Variants in RALYL observed in about 807,000 individuals in gnomAD.
RALYL encodes the protein RNA-binding Raly-like protein.
In RALYL, 29 loss-of-function variants were observed where a neutral mutation model predicts 35.1. The ratio of observed to expected loss-of-function variants is 0.83; its 90% CI spans 0.61 to 1.13. RALYL has a LOEUF of 1.13. Ranked by LOEUF, RALYL falls within the 50% of genes most tolerant of loss-of-function variation. The pLI, the probability that RALYL is intolerant of heterozygous loss-of-function variation, is 0.00. For missense variants in RALYL, 359 were observed against 360.4 expected (o/e 1.00, Z 0.03); for synonymous variants, 120 against 127.6 (o/e 0.94, Z 0.40).
At chr8:84,249,563 C>T (rs1057489783) in intron 1 of RALYL, among the ~76,000 whole-genome samples, 1 of 152,032 alleles carries the variant, frequency 6.6e-6, no homozygotes, top group African/African-American at 2.4e-5. Context: ...AAAGCCAAAA[C>T]ACAATTACTT....
At chr8:84,334,614 G>A (rs1323909699) in intron 1 of RALYL, among the ~76,000 whole-genome samples, 1 of 151,804 alleles carries the variant, frequency 6.6e-6, no homozygotes, top group African/African-American at 2.4e-5. Flanking sequence ...AAATCAAGAA[G>A]TTTAACCTAC....
chr8:84,568,318 C>G (rs868228533), intron 2 of RALYL, among the ~76,000 whole-genome samples: 1 of 150,558 alleles, frequency 6.6e-6, no homozygotes, highest in African/African-American at 2.4e-5. Context: ...TTTGTCCTTG[C>G]GATACTTTGC....
At chr8:84,503,743 G>A (rs561454571) in intron 1 of RALYL, among the ~76,000 whole-genome samples, 10 of 151,898 alleles carry the variant, frequency 6.6e-5, no homozygotes, top group Non-Finnish European at 1.5e-4. Context: ...CACCTACTCT[G>A]AAGGCTGAGG....
chr8:84,502,259 T>C (rs111734600), intron 1 of RALYL, among the ~76,000 whole-genome samples: 6 of 152,148 alleles, frequency 3.9e-5, no homozygotes, highest in African/African-American at 1.4e-4. Flanking sequence ...TAATATCTTG[T>C]GGGATACATT....
At chr8:84,800,838 T>C (rs1823074271) in intron 3 of RALYL, among the ~76,000 whole-genome samples, 1 of 152,156 alleles carries the variant, frequency 6.6e-6, no homozygotes, top group African/African-American at 2.4e-5. Flanking sequence ...ACTACTAAAA[T>C]GATCTATTCA....
chr8:84,919,883 T>C (rs928675010), intron 8 of RALYL, among the ~76,000 whole-genome samples: 1 of 152,098 alleles, frequency 6.6e-6, no homozygotes, highest in African/African-American at 2.4e-5. Context: ...CACATGAGTG[T>C]GAAAATTCAA....
intron 1 of RALYL, 49 bp from the exon 2 acceptor site, chr8:84,529,250 T>C (rs2059113498): frequency 1.3e-6 from 2 of 1,536,710 alleles, no homozygotes; most frequent in African/African-American, 2.8e-5. Flanking sequence ...TTCGATCTAA[T>C]GATTTACCTT....
chr8:84,345,089 CT>C (rs915721914), intron 1 of RALYL, among the ~76,000 whole-genome samples: 1 of 147,368 alleles, frequency 6.8e-6, no homozygotes, highest in African/African-American at 2.5e-5. Context: ...TTCAGTTTTT[CT>C]TTCTTTCTCT....
At chr8:84,570,483 G>A (rs1181351589) in intron 2 of RALYL, among the ~76,000 whole-genome samples, 1 of 151,758 alleles carries the variant, frequency 6.6e-6, no homozygotes, top group African/African-American at 2.4e-5. Context: ...GTCTTTCAGA[G>A]GAATCTTAGG....
intron 1 of RALYL, among the ~76,000 whole-genome samples, chr8:84,268,368 G>A (rs1306608033): frequency 1.3e-5 from 2 of 152,138 alleles, no homozygotes; most frequent in Non-Finnish European, 2.9e-5. Flanking sequence ...ACCTCCATGA[G>A]AGACTTCACT....
intron 1 of RALYL, among the ~76,000 whole-genome samples, chr8:84,357,226 C>A (rs1348572393): frequency 6.6e-6 from 1 of 152,006 alleles, no homozygotes; most frequent in African/African-American, 2.4e-5. Context: ...TATCCCCAAT[C>A]ATTGTGACAA....
chr8:84,757,397 C>T lies in RALYL; in HGVS notation c.257-17182C>T, dbSNP rs566634774. ...TACAGTTTTTCCTGTTGCAACATTT[C>T]GGTACAGACATTCATTCAAATTCTT... On this transcript the variant is annotated intron_variant, in intron 2 of 8. Coordinates refer to ENST00000521268, the MANE Select transcript of RALYL (RefSeq NM_173848.7). Among the ~76,000 whole-genome samples, 8 of 152,220 alleles carry T rather than the reference C, an allele frequency of 5.3e-5. 1 individual carries two copies. In the South Asian group the frequency reaches 8.3e-4, roughly 16 times the overall value.
intron 1 of RALYL, among the ~76,000 whole-genome samples, chr8:84,408,097 T>C (rs79045363): frequency 0.041 from 6,246 of 152,224 alleles, 160 homozygotes; most frequent in Middle Eastern, 0.054. Context: ...TTTAAACTTA[T>C]TTATTTTAAT....
intron 4 of RALYL, among the ~76,000 whole-genome samples, chr8:84,849,079 A>C (rs528836809): frequency 6.6e-6 from 1 of 152,336 alleles, no homozygotes; most frequent in South Asian, 2.1e-4. Context: ...TGTTTTGATG[A>C]CTGTAATTGA....
In RALYL at chr8:84,336,700, GC is replaced by G. The variant is rs1847866428; in HGVS notation, c.-24+152278del. ...AAGATGAGAAGTTCCAAAGAAACAA[GC>G]CTTATTTCCTTTTCGTGGTATTAAA... On this transcript the variant is annotated intron_variant, in intron 1 of 8. Transcript: ENST00000521268. 2.6e-5 allele frequency among the ~76,000 whole-genome samples: 4 copies of G among 152,030 alleles called. No homozygotes were observed. The South Asian group carries it at 6.2e-4, about 24-fold the overall frequency.
chr8:84,529,435 T>G lies in RALYL; in HGVS notation c.114T>G (p.Ile38Met), dbSNP rs745502644. The change falls in exon 2 of 9, where the codon ATT becomes ATG. Residue 38 changes from isoleucine to methionine, a missense_variant. Ile to Met is a conservative substitution (Grantham distance 10, BLOSUM62 1). Transcript: ENST00000521268. ...CGGCAATTGTCAAGAAAGTTGACAT[T>G]GAAGCCATTTTTTCAAAGTATGGAA... is the stretch of plus-strand genomic sequence containing the variant. ...LNTAIVKKVDIEAIFSKYGKI... is the reference protein window; with the variant it reads ...LNTAIVKKVDMEAIFSKYGKI... The G allele has an allele frequency of 1.9e-6, 3 of 1,613,428 alleles. No individual in the cohort carries two copies.
chr8:84,251,818 C>A (rs891373496), intron 1 of RALYL, among the ~76,000 whole-genome samples: 1 of 151,080 alleles, frequency 6.6e-6, no homozygotes, highest in African/African-American at 2.4e-5. Context: ...TTGTTTTTTT[C>A]TTTTAATATG....
chr8:84,250,729 T>C (rs1354476053), intron 1 of RALYL, among the ~76,000 whole-genome samples: 3 of 152,166 alleles, frequency 2.0e-5, no homozygotes, highest in African/African-American at 4.8e-5. Context: ...TTCCTTAGTA[T>C]GAAAAAGGTG....
rs867745929 is a variant in RALYL, at chr8:84,467,524, C to G, written c.-23-61775C>G. On this transcript the variant is annotated intron_variant, in intron 1 of 8. Coordinates refer to ENST00000521268, the MANE Select transcript of RALYL (RefSeq NM_173848.7). ...TCTGAGAGATAGTTTGTTATAATTT[C>G]TGTTCTTTTACATTTGCTGAGGAGA... Among the ~76,000 whole-genome samples the G allele has an allele frequency of 4.5e-3, 677 of 150,716 alleles. 2 individuals are homozygous for G. The highest frequency in any genetic ancestry group is 5.0e-3 in the Non-Finnish European group (339 of 67,404).
Sources: gnomAD v4.1 joint callset for allele counts (sites outside exome capture counted in the v4.1 genomes callset) on GRCh38, gnomAD v4.1.1 for gene constraint, MANE v1.5 for transcripts, NCBI Gene and HGNC (gene_info 2026-07-23, HGNC 2026-07-21) for gene names.